SCGN: variants seen among roughly 807,000 people sequenced by gnomAD.
SCGN encodes secretagogin.
In SCGN, 30 loss-of-function variants were observed where a neutral mutation model predicts 39.7. The observed-to-expected ratio is 0.76, with a 90% CI of 0.57 to 1.03. The LOEUF (loss-of-function observed/expected upper bound fraction) is 1.03. Ranked by LOEUF, SCGN falls within the 50% of genes least tolerant of loss-of-function variation. The pLI, the probability that SCGN is intolerant of heterozygous loss-of-function variation, is 0.00. For missense variants in SCGN, 353 were observed against 349.4 expected (o/e 1.01, Z -0.08); for synonymous variants, 106 against 114.1 (o/e 0.93, Z 0.45).
At chr6:25,661,403 A>G in intron 2 of SCGN, 149 bp from the exon 3 acceptor site, 1 of 564,004 alleles carries the variant, frequency 1.8e-6, no homozygotes, top group Non-Finnish European at 3.2e-6. Flanking sequence ...TCTTCTACAA[A>G]AGGGTAAAAT....
intron 6 of SCGN, among the ~76,000 whole-genome samples, chr6:25,676,771 C>T (rs1387121000): frequency 3.4e-5 from 2 of 58,666 alleles, no homozygotes; most frequent in Non-Finnish European, 5.3e-5. Context: ...GTCTTATTTT[C>T]CATCCCCTCT....
chr6:25,681,038 A>G (rs1759631733), intron 6 of SCGN, among the ~76,000 whole-genome samples: 1 of 152,312 alleles, frequency 6.6e-6, no homozygotes, highest in African/African-American at 2.4e-5. Context: ...TTGTAAAGTC[A>G]CAAAATTCAC....
At chr6:25,666,364 A>C (rs1760425504) in intron 4 of SCGN, among the ~76,000 whole-genome samples, 1 of 152,130 alleles carries the variant, frequency 6.6e-6, no homozygotes, top group Non-Finnish European at 1.5e-5. Flanking sequence ...TCAAAAAAAA[A>C]CAAAAATTCT....
intron 2 of SCGN, 61 bp downstream of exon 2, chr6:25,653,513 C>T: frequency 1.6e-6 from 2 of 1,232,192 alleles, no homozygotes; most frequent in Non-Finnish European, 2.4e-6. Flanking sequence ...ACATCCAAGT[C>T]TTATATTGAT....
chr6:25,657,712 C>A (rs1561759712), intron 2 of SCGN, among the ~76,000 whole-genome samples: 1 of 148,324 alleles, frequency 6.7e-6, no homozygotes, highest in Non-Finnish European at 1.5e-5. Flanking sequence ...TGTGTGTGTG[C>A]ATATATATAT....
At chr6:25,668,156 C>T (rs1759420268) in intron 4 of SCGN, among the ~76,000 whole-genome samples, 1 of 151,810 alleles carries the variant, frequency 6.6e-6, no homozygotes, top group Admixed American at 6.6e-5. Context: ...AATTAAGGTC[C>T]TTGCAATTGG....
intron 10 of SCGN, among the ~76,000 whole-genome samples, chr6:25,700,509 CAG>C (rs942601208): frequency 3.9e-5 from 6 of 152,280 alleles, no homozygotes; most frequent in Admixed American, 3.3e-4. Flanking sequence ...TCCAGCTTGG[CAG>C]GAAGCTTAAG....
At position 25,652,229 on chromosome 6, in the gene SCGN, G is replaced by A. The variant is rs1175614142; in HGVS notation, c.-175G>A. On this transcript the variant is annotated 5_prime_UTR_variant, in exon 1 of 11. Coordinates refer to ENST00000377961, the MANE Select transcript of SCGN (RefSeq NM_006998.4). Reference sequence around the variant, plus strand: ...CCGCTGGTTTTGCTGAGGGCTGAGGGACGGCTCAGCGACGCCACGGCCAGC... The same window carrying A: ...CCGCTGGTTTTGCTGAGGGCTGAGGAACGGCTCAGCGACGCCACGGCCAGC... 11 of 593,708 alleles carry A rather than the reference G, an allele frequency of 1.9e-5. No individual in the cohort carries two copies. The East Asian group carries it at 3.2e-4, about 17-fold the overall frequency. The allele number at this position is 593,708 out of a possible 1,614,324, so 36.8% of individuals were successfully genotyped here. A position where few individuals can be genotyped will look rare whatever the true frequency, so the allele number is the denominator to read the frequency against.
intron 2 of SCGN, among the ~76,000 whole-genome samples, chr6:25,661,003 A>G (rs1312071324): frequency 6.6e-6 from 1 of 152,232 alleles, no homozygotes; most frequent in Admixed American, 6.5e-5. Context: ...AAGGTTCTAC[A>G]TAGAAGGGAG....
At chr6:25,669,225 T>A (rs145331299) in intron 4 of SCGN, among the ~76,000 whole-genome samples, 28 of 152,282 alleles carry the variant, frequency 1.8e-4, no homozygotes, top group African/African-American at 6.7e-4. Flanking sequence ...CTTTTTATAT[T>A]TCCATTCTGA....
chr6:25,668,392 G>T (rs185137950), intron 4 of SCGN, among the ~76,000 whole-genome samples: 1 of 152,146 alleles, frequency 6.6e-6, no homozygotes, highest in Non-Finnish European at 1.5e-5. Context: ...GTTCTGGTTC[G>T]TAACTGCTTC....
intron 6 of SCGN, among the ~76,000 whole-genome samples, chr6:25,676,883 G>T (rs922350704): frequency 2.0e-5 from 3 of 152,164 alleles, no homozygotes; most frequent in African/African-American, 7.2e-5. Context: ...ATACATATTT[G>T]TTAAATGAAT....
Position 25,670,766 on chromosome 6 carries a change from C to G in SCGN, c.471+690C>G, listed in dbSNP as rs1247525352. Among the ~76,000 whole-genome samples, 3 of 152,288 alleles carry G rather than the reference C, an allele frequency of 2.0e-5. No homozygotes were observed. The East Asian group carries it at 5.8e-4, about 29-fold the overall frequency. On this transcript the variant is annotated intron_variant, in intron 6 of 10. Transcript: ENST00000377961. The stretch of plus-strand genomic sequence containing the variant: ...CTTGAGACTATTTTTGTGTCAAGCT[C>G]CATGGAGAGTAGTAAAGTAGGGAGC...
intron 2 of SCGN, among the ~76,000 whole-genome samples, chr6:25,656,560 A>C (rs1035588695): frequency 1.3e-5 from 2 of 152,230 alleles, no homozygotes; most frequent in African/African-American, 4.8e-5. Flanking sequence ...ATGGATAAAC[A>C]TCAGATTCTA....
intron 7 of SCGN, among the ~76,000 whole-genome samples, chr6:25,683,279 T>C (rs1268050939): frequency 3.3e-5 from 5 of 152,172 alleles, no homozygotes; most frequent in Non-Finnish European, 5.9e-5. Flanking sequence ...CAGAGAGCTA[T>C]GTGAAAGAGC....
chr6:25,675,136 C>T (rs1166355976), intron 6 of SCGN, among the ~76,000 whole-genome samples: 1 of 152,198 alleles, frequency 6.6e-6, no homozygotes, highest in Admixed American at 6.5e-5. Context: ...ATAATATTAT[C>T]TAACGTTCTC....
intron 6 of SCGN, chr6:25,678,911 A>G: frequency 6.5e-6 from 1 of 153,844 alleles, no homozygotes; most frequent in South Asian, 1.9e-4. Context: ...TGGAAGGTGC[A>G]TCATCTGGCA....
chr6:25,656,352 CAGA>C (rs1157739018), intron 2 of SCGN, among the ~76,000 whole-genome samples: 1 of 152,156 alleles, frequency 6.6e-6, no homozygotes, highest in Non-Finnish European at 1.5e-5. Context: ...ACAGAGATCT[CAGA>C]AGAAGGTATT....
At chr6:25,657,787 TACTC>T (rs1349248400) in intron 2 of SCGN, among the ~76,000 whole-genome samples, 2 of 150,628 alleles carry the variant, frequency 1.3e-5, no homozygotes, top group Admixed American at 1.3e-4. Context: ...CCTTAAGTCA[TACTC>T]ACCACCACTC....
Sources: gnomAD v4.1 joint callset for allele counts (sites outside exome capture counted in the v4.1 genomes callset) on GRCh38, gnomAD v4.1.1 for gene constraint, MANE v1.5 for transcripts, NCBI Gene and HGNC (gene_info 2026-07-23, HGNC 2026-07-21) for gene names.